The following SCAPER variants were observed in gnomAD, a reference collection of about 807,000 sequenced individuals.
SCAPER encodes S phase cyclin A-associated protein in the endoplasmic reticulum.
A neutral mutation model predicts 182.2 loss-of-function variants in SCAPER; 98 were observed. That is an observed-to-expected ratio of 0.54 (90% CI 0.46 to 0.64). The LOEUF (loss-of-function observed/expected upper bound fraction) is 0.64. Ranked by LOEUF, SCAPER falls within the 30% of genes least tolerant of loss-of-function variation. The pLI, the probability that SCAPER is intolerant of heterozygous loss-of-function variation, is 0.00. For synonymous variants in SCAPER, 605 were observed against 564.6 expected (o/e 1.07, Z -1.01); for missense variants, 1,432 against 1,690.0 (o/e 0.85, Z 2.68).
At position 76,348,394 on chromosome 15, in the gene SCAPER, T is replaced by C. The variant is rs200318810; in HGVS notation, c.*239A>G. 7.9e-4 allele frequency: 239 copies of C among 303,488 alleles called. No individual in the cohort carries two copies. Among genetic ancestry groups the C allele is most frequent in the African/African-American group, 4.7e-3 (219 of 46,464 alleles). The allele number at this position is 303,488 out of a possible 1,614,324, so 18.8% of individuals were successfully genotyped here. ...ATGCAAAGTATATATTATCATAAGATGGAAATTACCAAACTCCAAGATACT... is the reference window on the plus strand; with the variant it reads ...ATGCAAAGTATATATTATCATAAGACGGAAATTACCAAACTCCAAGATACT... On this transcript the variant is annotated 3_prime_UTR_variant, in exon 32 of 32. Coordinates refer to ENST00000563290, the MANE Select transcript of SCAPER (RefSeq NM_020843.4).
chr15:76,389,500 C>CAAA (rs71143320), intron 27 of SCAPER, among the ~76,000 whole-genome samples: 1 of 28,058 alleles, frequency 3.6e-5, no homozygotes, highest in African/African-American at 1.7e-4. Flanking sequence ...GACTCCGTCT[C>CAAA]AAAAAAAAAA....
rs142986176 is a variant in SCAPER, at chr15:76,713,111, C to A, written c.2166-7127G>T. 3.4e-3 allele frequency among the ~76,000 whole-genome samples: 524 copies of A among 152,174 alleles called. 5 individuals carry two copies. Among genetic ancestry groups the A allele is most frequent in the Middle Eastern group, 0.014 (4 of 294 alleles). ...AGCTCTTATTATTTTGAGATACGTA[C>A]CATCAATACAGGAAACAACAGGTGC... On this transcript the variant is annotated intron_variant, in intron 17 of 31. Coordinates refer to ENST00000563290, the MANE Select transcript of SCAPER (RefSeq NM_020843.4).
At chr15:76,431,861 ATGGT>A (rs1279954533) in intron 26 of SCAPER, among the ~76,000 whole-genome samples, 1 of 152,086 alleles carries the variant, frequency 6.6e-6, no homozygotes, top group Non-Finnish European at 1.5e-5. Flanking sequence ...TTGAAGCAGT[ATGGT>A]TGTCAATCAT....
intron 22 of SCAPER, among the ~76,000 whole-genome samples, chr15:76,616,028 TA>T (rs1410104961): frequency 1.3e-5 from 2 of 152,030 alleles, no homozygotes; most frequent in Non-Finnish European, 2.9e-5. Flanking sequence ...GGTGAGAATG[TA>T]AAAAATGGTA....
intron 23 of SCAPER, among the ~76,000 whole-genome samples, chr15:76,511,953 G>A (rs1199946199): frequency 6.7e-6 from 1 of 150,288 alleles, no homozygotes; most frequent in Non-Finnish European, 1.5e-5. Context: ...CGTGATCTCG[G>A]CTCACTGCAA....
chr15:76,455,649 T>C (rs2048674296), intron 25 of SCAPER, among the ~76,000 whole-genome samples: 1 of 152,210 alleles, frequency 6.6e-6, no homozygotes, highest in Non-Finnish European at 1.5e-5. Flanking sequence ...ATTTTTTAAC[T>C]TTTTTAATTT....
intron 14 of SCAPER, among the ~76,000 whole-genome samples, chr15:76,764,216 A>C (rs2062971085): frequency 6.6e-6 from 1 of 151,718 alleles, no homozygotes; most frequent in African/African-American, 2.4e-5. Context: ...AAGTACAACA[A>C]CTCTTGGTTT....
At chr15:76,756,585 A>G (rs1206053687) in intron 14 of SCAPER, among the ~76,000 whole-genome samples, 1 of 152,104 alleles carries the variant, frequency 6.6e-6, no homozygotes, top group African/African-American at 2.4e-5. Context: ...TCTAAAAAAA[A>G]AACAATAGAA....
intron 5 of SCAPER, among the ~76,000 whole-genome samples, chr15:76,841,109 ATGT>A (rs1205140923): frequency 1.3e-5 from 2 of 152,196 alleles, no homozygotes; most frequent in Non-Finnish European, 2.9e-5. Context: ...TTTAAAAATA[ATGT>A]TGTGTGTGTA....
intron 2 of SCAPER, among the ~76,000 whole-genome samples, chr15:76,876,368 T>C (rs1296928914): frequency 1.3e-5 from 2 of 149,238 alleles, no homozygotes; most frequent in African/African-American, 2.5e-5. Flanking sequence ...CAGCACGCTG[T>C]CACCTCTCAA....
intron 20 of SCAPER, among the ~76,000 whole-genome samples, chr15:76,677,726 T>C (rs2057449079): frequency 6.7e-6 from 1 of 150,286 alleles, no homozygotes; most frequent in Admixed American, 6.7e-5. Flanking sequence ...TTACCTTTTA[T>C]GGCATACTAG....
intron 27 of SCAPER, among the ~76,000 whole-genome samples, chr15:76,396,757 T>TA (rs2044091058): frequency 6.6e-6 from 1 of 152,164 alleles, no homozygotes; most frequent in South Asian, 2.1e-4. Context: ...ATATCATCTG[T>TA]AAAAAAGGAT....
chr15:76,399,247 C>A (rs1318469206), intron 27 of SCAPER, among the ~76,000 whole-genome samples: 2 of 152,146 alleles, frequency 1.3e-5, no homozygotes, highest in Non-Finnish European at 2.9e-5. Context: ...AAGCAATTCT[C>A]CTGCCTCAGC....
chr15:76,867,344 T>C (rs1344891510), intron 2 of SCAPER, among the ~76,000 whole-genome samples: 1 of 152,184 alleles, frequency 6.6e-6, no homozygotes, highest in Non-Finnish European at 1.5e-5. Context: ...AAATTCCCAC[T>C]ACTAACGCCC....
chr15:76,869,155 G>T (rs1424438292), intron 2 of SCAPER, among the ~76,000 whole-genome samples: 2 of 152,078 alleles, frequency 1.3e-5, no homozygotes, highest in Admixed American at 6.6e-5. Flanking sequence ...CTGAAACTAT[G>T]AAACTACTAA....
At chr15:76,728,970 CA>C (rs2060749441) in intron 16 of SCAPER, among the ~76,000 whole-genome samples, 1 of 152,078 alleles carries the variant, frequency 6.6e-6, no homozygotes, top group East Asian at 1.9e-4. Flanking sequence ...CTTTTTTATA[CA>C]AACACTGTGT....
At chr15:76,893,985 T>C (rs2074293373) in intron 1 of SCAPER, among the ~76,000 whole-genome samples, 2 of 152,212 alleles carry the variant, frequency 1.3e-5, no homozygotes, top group Non-Finnish European at 2.9e-5. Context: ...GCGCAGTGGC[T>C]CACACCTGTA....
At chr15:76,581,689 C>T (rs537092939) in intron 22 of SCAPER, among the ~76,000 whole-genome samples, 1 of 152,258 alleles carries the variant, frequency 6.6e-6, no homozygotes, top group East Asian at 1.9e-4. Context: ...CAAGTTCAAG[C>T]CATTCTTGTG....
chr15:76,610,812 TTGGAA>T (rs1567593971), intron 22 of SCAPER, among the ~76,000 whole-genome samples: 19 of 152,298 alleles, frequency 1.2e-4, no homozygotes, highest in African/African-American at 4.6e-4. Context: ...TGTTAATGGA[TTGGAA>T]TAATATTGTT....
Sources: gnomAD v4.1 joint callset for allele counts (sites outside exome capture counted in the v4.1 genomes callset) on GRCh38, gnomAD v4.1.1 for gene constraint, MANE v1.5 for transcripts, NCBI Gene and HGNC (gene_info 2026-07-23, HGNC 2026-07-21) for gene names.